KIF23: variants seen among roughly 807,000 people sequenced by gnomAD.
The protein encoded by KIF23 is kinesin family member 23.
A neutral mutation model predicts 137.5 loss-of-function variants in KIF23; 30 were observed. That is an observed-to-expected ratio of 0.22 (90% CI 0.16 to 0.30). KIF23 has a LOEUF of 0.30. KIF23 is among the 10% of genes least tolerant of loss of function. The pLI, the probability that KIF23 is intolerant of heterozygous loss-of-function variation, is 1.00. For synonymous variants in KIF23, 367 were observed against 391.1 expected (o/e 0.94, Z 0.73); for missense variants, 920 against 1,194.3 (o/e 0.77, Z 3.38).
chr15:69,446,233 C>T, intron 21 of KIF23, 50 bp from the exon 22 acceptor site: 3 of 1,552,972 alleles, frequency 1.9e-6, no homozygotes, highest in Non-Finnish European at 2.7e-6. Flanking sequence ...AATATTTTTC[C>T]TCTTCTTAGA....
chr15:69,433,195 A>G (rs1196528005), intron 11 of KIF23, among the ~76,000 whole-genome samples: 1 of 152,218 alleles, frequency 6.6e-6, no homozygotes, highest in Non-Finnish European at 1.5e-5. Context: ...ATCATGAATC[A>G]TGGAATATTA....
In KIF23 at chr15:69,444,154, ATTAT is replaced by A. The variant is rs2057693292; in HGVS notation, c.2422-629_2422-626del. 1 of 152,104 alleles carries A rather than the reference ATTAT, an allele frequency of 6.6e-6. No individual in the cohort carries two copies. Among genetic ancestry groups the A allele is most frequent in the Non-Finnish European group, 1.5e-5 (1 of 68,074 alleles). The allele number at this position is 152,104 out of a possible 1,614,324, so 9.4% of individuals were successfully genotyped here. A position where few individuals can be genotyped will look rare whatever the true frequency, so the allele number is the denominator to read the frequency against. ...GTGATAGAGACTGATTTGACACTGT[ATTAT>A]TTATTTGTTTCTTGGAACCTGTATG... On this transcript the variant is annotated intron_variant, in intron 19 of 23. Coordinates refer to ENST00000679126, the MANE Select transcript of KIF23 (RefSeq NM_001367805.3). This position sits in a 1 kb window ranked among gnomAD's most constrained non-coding sequence, Gnocchi z 4.2.
Position 69,414,396 on chromosome 15 carries a change from C to T in KIF23, c.-70C>T. On this transcript the variant is annotated 5_prime_UTR_variant, in exon 1 of 24. Transcript: ENST00000679126. ...CGAAGTTCTAGTTCTTGCTGCCGGTCCTAACGTCCCGCAGTCTTCGCCAGC... is the reference window on the plus strand; with the variant it reads ...CGAAGTTCTAGTTCTTGCTGCCGGTTCTAACGTCCCGCAGTCTTCGCCAGC... 3 of 1,553,282 alleles carry T rather than the reference C, an allele frequency of 1.9e-6. No individual in the cohort carries two copies. Among genetic ancestry groups the T allele is most frequent in the Non-Finnish European group, 2.6e-6 (3 of 1,148,078 alleles).
rs759354494 is a variant in KIF23, at chr15:69,422,054, G to A, written c.379G>A (p.Gly127Arg). The A allele has an allele frequency of 3.1e-6, 5 of 1,614,102 alleles. No homozygotes were observed. In the Admixed American group the frequency reaches 8.3e-5, roughly 27 times the overall value. Residue 127 changes from glycine to arginine, a missense_variant, in exon 5 of 24, where the codon GGG becomes AGG. By Grantham distance (125) the Gly-to-Arg change is moderately radical (BLOSUM62 -2). Coordinates refer to ENST00000679126, the MANE Select transcript of KIF23 (RefSeq NM_001367805.3). ...AACTCACACAATGACTGGTTCTCCAGGGGAAGGAGGGCTGCTTCCTCGTTG... is the reference window on the plus strand; with the variant it reads ...AACTCACACAATGACTGGTTCTCCAAGGGAAGGAGGGCTGCTTCCTCGTTG... ...GKTHTMTGSP[G>R]EGGLLPRCLD...
In KIF23 at chr15:69,422,035, C is replaced by T; in HGVS notation, c.360C>T (p.His120=). 6.2e-7 allele frequency: 1 copy of T among 1,614,116 alleles called. No homozygotes were observed. Among genetic ancestry groups the T allele is most frequent in the Non-Finnish European group, 8.5e-7 (1 of 1,180,000 alleles). ...GTGTGACGGGAAGTGGAAAAACTCA[C>T]ACAATGACTGGTTCTCCAGGGGAAG... ...TYGVTGSGKT[H]TMTGSPGEGG... Residue 120 remains histidine, a synonymous_variant, in exon 5 of 24, where the codon CAC becomes CAT. Transcript: ENST00000679126.
intron 11 of KIF23, among the ~76,000 whole-genome samples, chr15:69,430,118 C>A (rs956138867): frequency 6.6e-6 from 1 of 152,076 alleles, no homozygotes; most frequent in Non-Finnish European, 1.5e-5. Flanking sequence ...AAATTGGCTT[C>A]TAGAGATGGG....
At position 69,423,319 on chromosome 15, in the gene KIF23, A is replaced by G; in HGVS notation, c.724A>G (p.Ile242Val). The G allele has an allele frequency of 6.4e-7, 1 of 1,561,486 alleles. No homozygotes were observed. Among genetic ancestry groups the G allele is most frequent in the Non-Finnish European group, 8.6e-7 (1 of 1,157,820 alleles). The change falls in exon 7 of 24, where the codon ATA becomes GTA. Residue 242 changes from isoleucine (I) to valine (V), a missense_variant. Physicochemically the swap from Ile to Val is conservative, Grantham distance 29. Around this residue, in one of 4 missense-constraint regions of KIF23, gnomAD observed 714 missense variants for 866.2 expected, o/e 0.82. Coordinates refer to ENST00000679126, the MANE Select transcript of KIF23 (RefSeq NM_001367805.3). Reference protein sequence around the residue: ...DLLEEVPFDPIKPKWNSCSTP... With the variant: ...DLLEEVPFDPVKPKWNSCSTP... ...ATTGGAAGAGGTGCCGTTTGATCCC[A>G]TAAAACCCAAGTAAGTAATAAAGAG... is the stretch of plus-strand genomic sequence containing the variant.
intron 11 of KIF23, among the ~76,000 whole-genome samples, chr15:69,429,772 G>A (rs1470608071): frequency 6.6e-6 from 1 of 152,088 alleles, no homozygotes; most frequent in Non-Finnish European, 1.5e-5. Flanking sequence ...TGTAATCCTG[G>A]CAATTTGGGA....
In KIF23 at chr15:69,435,759, T is replaced by C. The variant is rs1344805751; in HGVS notation, c.1302T>C (p.Tyr434=). ...IVCVNPKAED[Y]EENLQVMRFA... is the part of the protein sequence containing the mutation. Reference sequence around the variant, plus strand: ...GTGTGAACCCCAAGGCTGAAGATTATGAAGAAAACTTGGTAATTTTAATGT... The same window carrying C: ...GTGTGAACCCCAAGGCTGAAGATTACGAAGAAAACTTGGTAATTTTAATGT... Residue 434 remains tyrosine (Y), a synonymous_variant, in exon 13 of 24, where the codon TAT becomes TAC. Transcript: ENST00000679126. 3 of 1,613,888 alleles carry C rather than the reference T, an allele frequency of 1.9e-6. No homozygotes were observed. Among genetic ancestry groups the C allele is most frequent in the Admixed American group, 1.7e-5 (1 of 59,932 alleles).
In KIF23 at chr15:69,414,358, C is replaced by A; in HGVS notation, c.-108C>A. 1 of 1,482,778 alleles carries A rather than the reference C, an allele frequency of 6.7e-7. No individual in the cohort carries two copies. The highest frequency in any genetic ancestry group is 1.7e-4 in the Middle Eastern group (1 of 5,826). The allele number at this position is 1,482,778 out of a possible 1,614,324, so 91.9% of individuals were successfully genotyped here. A position where few individuals can be genotyped will look rare whatever the true frequency, so the allele number is the denominator to read the frequency against. ...CGTCGCCGCCGGCTTCGCAGAGCAC[C>A]GCGCCTTAGCCGCGAAGTTCTAGTT... On this transcript the variant is annotated 5_prime_UTR_variant, in exon 1 of 24. Coordinates refer to ENST00000679126, the MANE Select transcript of KIF23 (RefSeq NM_001367805.3).
intron 19 of KIF23, among the ~76,000 whole-genome samples, chr15:69,443,101 G>C (rs1177252192): frequency 1.3e-5 from 2 of 152,070 alleles, no homozygotes; most frequent in African/African-American, 4.8e-5. Flanking sequence ...TGTAGGAATG[G>C]AAAGTTCCTG....
At chr15:69,445,951 G>A in intron 20 of KIF23, 58 bp from the exon 21 acceptor site, 3 of 1,141,052 alleles carry the variant, frequency 2.6e-6, no homozygotes, top group Non-Finnish European at 3.9e-6. Context: ...AAATATATAT[G>A]TGTGTTTTTC....
chr15:69,422,514 G>A (rs774909205), intron 6 of KIF23, 79 bp downstream of exon 6: 5 of 787,646 alleles, frequency 6.3e-6, no homozygotes, highest in Admixed American at 2.1e-5. Flanking sequence ...CATGAGGAAT[G>A]GTGAACATTA....
Position 69,421,844 on chromosome 15 carries a change from G to A in KIF23, c.316+92G>A, listed in dbSNP as rs572081732. 632 of 1,280,266 alleles carry A rather than the reference G, an allele frequency of 4.9e-4. 10 individuals are homozygous for A. The South Asian group carries it at 7.8e-3, about 16-fold the overall frequency. 79.3% of individuals were successfully genotyped at this position (1,280,266 alleles called of 1,614,324 possible). A position where few individuals can be genotyped will look rare whatever the true frequency, so the allele number is the denominator to read the frequency against. On this transcript the variant is annotated intron_variant, in intron 4 of 23. Transcript: ENST00000679126. ...ATATTTATATATTTGATTTATGTTT[G>A]GTGTTGAATCCATATTTAATTTGTT...
chr15:69,417,318 A>C, intron 2 of KIF23, 65 bp from the exon 3 acceptor site: 2 of 1,416,416 alleles, frequency 1.4e-6, no homozygotes, highest in Admixed American at 4.6e-5. Flanking sequence ...ATGAATGAGA[A>C]GCTTAAGTGA....
At chr15:69,434,993 C>A in intron 11 of KIF23, 2 of 620,638 alleles carry the variant, frequency 3.2e-6, no homozygotes, top group Non-Finnish European at 2.8e-6. Context: ...GCTTCAGAAA[C>A]AGCACGGACT....
At chr15:69,441,925 G>A (rs2140405981) in intron 19 of KIF23, among the ~76,000 whole-genome samples, 1 of 151,998 alleles carries the variant, frequency 6.6e-6, no homozygotes, top group South Asian at 2.1e-4. Context: ...AGGCCACCAT[G>A]CTAATTTTTT....
intron 7 of KIF23, 55 bp from the exon 8 acceptor site, chr15:69,425,227 T>C: frequency 7.4e-7 from 1 of 1,360,398 alleles, no homozygotes; most frequent in Non-Finnish European, 1.0e-6. Flanking sequence ...ACTGAACATG[T>C]TGGTGTGAGA....
chr15:69,423,131 G>A (rs367713209), intron 6 of KIF23, 28 bp from the exon 7 acceptor site: 9 of 1,404,504 alleles, frequency 6.4e-6, no homozygotes, highest in East Asian at 4.6e-5. Flanking sequence ...GACTTATAAC[G>A]TATACAATTG....
Sources: gnomAD v4.1 joint callset for allele counts (sites outside exome capture counted in the v4.1 genomes callset) on GRCh38, gnomAD v4.1.1 for gene constraint, gnomAD v4.1.1 regional missense constraint, Gnocchi (gnomAD v3.1) non-coding constraint, MANE v1.5 for transcripts, NCBI Gene and HGNC (gene_info 2026-07-23, HGNC 2026-07-21) for gene names.